The following SLC12A9 variants were observed in gnomAD, a reference collection of about 807,000 sequenced individuals.
The protein encoded by SLC12A9 is solute carrier family 12 member 9, also known as CCC-interacting protein 1.
SLC12A9 carries 55 observed loss-of-function variants against 66.0 expected under a neutral mutation model. That is an observed-to-expected ratio of 0.83 (90% confidence interval 0.67 to 1.04). SLC12A9 has a LOEUF of 1.04. Ranked by LOEUF, SLC12A9 falls within the 50% of genes least tolerant of loss-of-function variation. The pLI is 0.00. For missense variants in SLC12A9, 1,061 were observed against 1,241.9 expected, an observed-to-expected ratio of 0.85 and a Z score of 2.19; for synonymous variants, 577 against 569.0, an observed-to-expected ratio of 1.01 and a Z score of -0.20.
intron 1 of SLC12A9, among the ~76,000 whole-genome samples, chr7:100,828,608 C>G (rs1285229783): frequency 6.7e-6 from 1 of 149,208 alleles, no homozygotes; most frequent in African/African-American, 2.5e-5. Flanking sequence ...AGGGGTCCGG[C>G]TAGATCTCCA....
In SLC12A9 at chr7:100,860,140, G is replaced by GTT; in HGVS notation, c.1136-6_1136-5dup. The GTT allele has an allele frequency of 6.2e-7, 1 of 1,614,202 alleles. No homozygotes were observed. The highest frequency in any genetic ancestry group is 8.5e-7 in the Non-Finnish European group (1 of 1,180,036). On this transcript the variant is annotated splice_polypyrimidine_tract_variant and intron_variant, in intron 8 of 13. Transcript: ENST00000354161. ...GGCTGATGTGTCTGCTGTGGATTCTGTTTTTCTAGGCGTGATCTTGGCACC... is the reference window on the plus strand; with the variant it reads ...GGCTGATGTGTCTGCTGTGGATTCTGTTTTTTTCTAGGCGTGATCTTGGCACC...
chr7:100,844,131 C>T (rs1407973015), intron 1 of SLC12A9, among the ~76,000 whole-genome samples: 1 of 152,178 alleles, frequency 6.6e-6, no homozygotes, highest in Non-Finnish European at 1.5e-5. Context: ...ACTGACCTTC[C>T]TCAGACTGAG....
rs546959324 is a variant in SLC12A9, at chr7:100,837,930, C to T, written n.228+10883C>T. 5.3e-5 allele frequency among the ~76,000 whole-genome samples: 7 copies of T among 131,088 alleles called. No individual in the cohort carries two copies. In the East Asian group the frequency reaches 1.2e-3, roughly 22 times the overall value. 86.0% of individuals were successfully genotyped at this position (131,088 alleles called of 152,430 possible). On this transcript the variant is annotated intron_variant and non_coding_transcript_variant, in intron 1 of 1. Coordinates refer to the SLC12A9 transcript ENST00000461016. ...GGCTGGAGTGCAGTGGCGTGATCTTCGCTCACTGCAAGCTCAGCCTCCTGG... is the reference window on the plus strand; with the variant it reads ...GGCTGGAGTGCAGTGGCGTGATCTTTGCTCACTGCAAGCTCAGCCTCCTGG...
In SLC12A9 at chr7:100,854,288, G is replaced by A; in HGVS notation, c.91G>A (p.Gly31Arg). The A allele has an allele frequency of 6.2e-7, 1 of 1,600,488 alleles. No homozygotes were observed. The highest frequency in any genetic ancestry group is 8.5e-7 in the Non-Finnish European group (1 of 1,176,524). Residue 31 changes from glycine (G) to arginine (R), a missense_variant, in exon 2 of 14, where the codon GGG becomes AGG. Gly to Arg is a moderately radical substitution (Grantham distance 125). Transcript: ENST00000354161. ...TGCCAATGGGGCCGGGGGTCCTGGA[G>A]GGGCGTCTGCCCGGAAGCTGTCCAC... is the stretch of plus-strand genomic sequence containing the variant. Reference protein sequence around the residue: ...LPANGAGGPGGASARKLSTFL... With the variant: ...LPANGAGGPGRASARKLSTFL...
At chr7:100,829,995 T>C (rs1004794446) in intron 1 of SLC12A9, among the ~76,000 whole-genome samples, 1 of 151,590 alleles carries the variant, frequency 6.6e-6, no homozygotes, top group Admixed American at 6.6e-5. Flanking sequence ...ACCACTGCAC[T>C]CCAGCCTGGG....
intron 1 of SLC12A9, among the ~76,000 whole-genome samples, chr7:100,833,181 C>CA (rs1049405425): frequency 1.1e-4 from 17 of 149,326 alleles, no homozygotes; most frequent in African/African-American, 2.2e-4. Context: ...TGTGTGAGGC[C>CA]AAAAAAAAAG....
intron 1 of SLC12A9, chr7:100,837,370 C>T (rs776248470): frequency 6.6e-6 from 1 of 152,206 alleles, no homozygotes; most frequent in Non-Finnish European, 1.5e-5. Flanking sequence ...ACGACCCGCC[C>T]GTAGCCACAC....
chr7:100,858,980 G>T lies in SLC12A9; in HGVS notation c.865+38G>T, dbSNP rs199987744. On this transcript the variant is annotated intron_variant, in intron 6 of 13. Coordinates refer to ENST00000354161, the MANE Select transcript of SLC12A9 (RefSeq NM_020246.4). ...GCCTGCTGCCTCCTGGGGGTTTGGG[G>T]CTGCCACCGTGAGGGACCCAGGGGG... is the stretch of plus-strand genomic sequence containing the variant. 1.3e-3 allele frequency: 2,052 copies of T among 1,612,992 alleles called. 1 individual carries two copies. Among genetic ancestry groups the T allele is most frequent in the Non-Finnish European group, 1.6e-3 (1,931 of 1,179,462 alleles).
chr7:100,827,162 CA>C, intron 1 of SLC12A9: 2 of 936,626 alleles, frequency 2.1e-6, no homozygotes, highest in Non-Finnish European at 3.0e-6. Flanking sequence ...AGCGCGGGCC[CA>C]TGCGAGCGTG....
Position 100,856,968 on chromosome 7 carries a change from C to T in SLC12A9, c.549C>T (p.Thr183=). Residue 183 remains threonine, a synonymous_variant, in exon 5 of 14, where the codon ACC becomes ACT. Coordinates refer to ENST00000354161, the MANE Select transcript of SLC12A9 (RefSeq NM_020246.4). ...TGGGCCTTGTGGGTGGGGTCTGCAC[C>T]CTGGGAGCCGGCCTCTATGCCCGGG... ...LLLGLVGGVC[T]LGAGLYARAS... 2 of 1,613,860 alleles carry T rather than the reference C, an allele frequency of 1.2e-6. No individual in the cohort carries two copies. The highest frequency in any genetic ancestry group is 8.5e-7 in the Non-Finnish European group (1 of 1,180,018).
At chr7:100,841,438 A>G (rs1422953243) in intron 1 of SLC12A9, among the ~76,000 whole-genome samples, 1 of 152,140 alleles carries the variant, frequency 6.6e-6, no homozygotes, top group African/African-American at 2.4e-5. Flanking sequence ...TTATTGTTTT[A>G]AAAGTTTAAG....
intron 4 of SLC12A9, 130 bp downstream of exon 4, chr7:100,855,967 C>A (rs1433339261): frequency 2.8e-6 from 4 of 1,409,818 alleles, no homozygotes; most frequent in Non-Finnish European, 3.8e-6. Context: ...GGAGCTTCTG[C>A]TGTGTGGCCA....
chr7:100,836,127 A>T, intron 1 of SLC12A9, among the ~76,000 whole-genome samples: 1 of 152,208 alleles, frequency 6.6e-6, no homozygotes, highest in East Asian at 1.9e-4. Context: ...ACTGGACTGC[A>T]CTGTGGCCCT....
At chr7:100,830,411 T>C (rs1224440717) in intron 1 of SLC12A9, among the ~76,000 whole-genome samples, 1 of 151,868 alleles carries the variant, frequency 6.6e-6, no homozygotes, top group Non-Finnish European at 1.5e-5. Context: ...CAGTGACTCA[T>C]ACCTGTAATG....
chr7:100,832,668 A>G (rs1444970287), intron 1 of SLC12A9, among the ~76,000 whole-genome samples: 1 of 152,234 alleles, frequency 6.6e-6, no homozygotes, highest in Non-Finnish European at 1.5e-5. Context: ...CTTCTTTACT[A>G]TAAATGTTGT....
intron 1 of SLC12A9, among the ~76,000 whole-genome samples, chr7:100,828,123 C>G (rs1202663624): frequency 2.0e-5 from 3 of 152,210 alleles, no homozygotes; most frequent in South Asian, 2.1e-4. Flanking sequence ...ACACAGTCAC[C>G]CCATAAACAT....
In SLC12A9 at chr7:100,866,093, G is replaced by T; in HGVS notation, c.2233G>T (p.Gly745Cys). 6.2e-7 allele frequency: 1 copy of T among 1,613,020 alleles called. No individual in the cohort carries two copies. Reference protein sequence around the residue: ...RGGPGYVDVCGLFLLQMATIL... With the variant: ...RGGPGYVDVCCLFLLQMATIL... The stretch of plus-strand genomic sequence containing the variant: ...TGGGCCCGGCTATGTGGATGTCTGC[G>T]GCCTCTTCCTGCTGCAGATGGCAAC... The change falls in exon 14 of 14, where the codon GGC (glycine) becomes TGC (cysteine). Residue 745 changes from glycine to cysteine, a missense_variant. Gly to Cys is a radical substitution (Grantham distance 159). Coordinates refer to ENST00000354161, the MANE Select transcript of SLC12A9 (RefSeq NM_020246.4). The surrounding 1 kb of genome is among the most constrained non-coding windows in gnomAD (Gnocchi z 7.3).
chr7:100,852,220 G>A (rs1307477789), upstream of SLC12A9, among the ~76,000 whole-genome samples: 1 of 152,262 alleles, frequency 6.6e-6, no homozygotes. Context: ...GGTGGCGGAA[G>A]CGAAGAGCGC....
chr7:100,854,040 T>G, intron 1 of SLC12A9, 116 bp from the exon 2 acceptor site: 1 of 628,582 alleles, frequency 1.6e-6, no homozygotes, highest in Non-Finnish European at 2.5e-6. Flanking sequence ...ATTTTTGTAT[T>G]TTTAGTAGAG....
Sources: gnomAD v4.1 joint callset for allele counts (sites outside exome capture counted in the v4.1 genomes callset) on GRCh38, gnomAD v4.1.1 for gene constraint, Gnocchi (gnomAD v3.1) non-coding constraint, MANE v1.5 for transcripts, NCBI Gene and HGNC (gene_info 2026-07-23, HGNC 2026-07-21) for gene names.